The following FARP2 variants were observed in gnomAD, a reference collection of about 807,000 sequenced individuals.
FARP2 encodes FERM, ARHGEF and pleckstrin domain-containing protein 2.
A neutral mutation model predicts 130.5 loss-of-function variants in FARP2; 111 were observed. That is an observed-to-expected ratio of 0.85 (90% CI 0.73 to 1.00). FARP2 has a LOEUF of 1.00. FARP2 is among the 50% of genes least tolerant of loss of function. FARP2 has a pLI of 0.00. For missense variants in FARP2, 1,385 were observed against 1,346.3 expected, an observed-to-expected ratio of 1.03 and a Z score of -0.45; for synonymous variants, 504 against 516.9, an observed-to-expected ratio of 0.98 and a Z score of 0.34.
intron 17 of FARP2, among the ~76,000 whole-genome samples, chr2:241,464,926 C>T (rs1035216828): frequency 1.3e-5 from 2 of 152,108 alleles, no homozygotes; most frequent in African/African-American, 2.4e-5. Context: ...GTTCCCTCCT[C>T]ACCGCATCCC....
Position 241,466,947 on chromosome 2 carries a change from TA to T in FARP2, c.1894-1179del, listed in dbSNP as rs111497599. Among the ~76,000 whole-genome samples the T allele has an allele frequency of 3.1e-3, 443 of 144,738 alleles. 1 individual carries two copies. Among genetic ancestry groups the T allele is most frequent in the Non-Finnish European group, 3.1e-3 (202 of 65,802 alleles). 95.0% of individuals were successfully genotyped at this position (144,738 alleles called of 152,430 possible). On this transcript the variant is annotated intron_variant, in intron 17 of 26. Transcript: ENST00000264042. ...AGTGGACCAAATAAAAGTGTTTTGT[TA>T]AAAAAAAAAAAAATGTAACCCTTTA...
At chr2:241,396,247 G>A (rs893297450) in intron 2 of FARP2, among the ~76,000 whole-genome samples, 4 of 152,064 alleles carry the variant, frequency 2.6e-5, no homozygotes, top group Admixed American at 2.6e-4. Context: ...GAAAACCTAG[G>A]CATTACCATT....
At chr2:241,434,389 C>T in intron 10 of FARP2, 68 bp downstream of exon 10, 2 of 1,174,870 alleles carry the variant, frequency 1.7e-6, no homozygotes, top group South Asian at 3.7e-5. Context: ...TAGGTAATTC[C>T]TAGTCAAGAA....
chr2:241,421,114 G>A (rs192509931), intron 8 of FARP2, among the ~76,000 whole-genome samples: 13 of 152,280 alleles, frequency 8.5e-5, no homozygotes, highest in Non-Finnish European at 1.6e-4. Context: ...GAAATGGTGA[G>A]TGACTGTGCA....
At chr2:241,441,710 C>T in intron 13 of FARP2, 154 bp downstream of exon 13, 2 of 1,157,596 alleles carry the variant, frequency 1.7e-6, no homozygotes, top group Non-Finnish European at 2.5e-6. Flanking sequence ...ACCACAGGCT[C>T]ATTTCCTTCC....
At chr2:241,488,194 G>T (rs1313594628) in intron 21 of FARP2, 1 of 152,144 alleles carries the variant, frequency 6.6e-6, no homozygotes, top group Non-Finnish European at 1.5e-5. Flanking sequence ...ATGGGCACTT[G>T]AAGTTCCGTT....
chr2:241,476,343 C>T (rs1011647543), intron 19 of FARP2, among the ~76,000 whole-genome samples: 13 of 151,860 alleles, frequency 8.6e-5, no homozygotes, highest in African/African-American at 3.1e-4. Context: ...GCCCTGATCA[C>T]AGCACTGCAC....
At chr2:241,416,180 G>T (rs1311525071) in intron 7 of FARP2, among the ~76,000 whole-genome samples, 1 of 152,162 alleles carries the variant, frequency 6.6e-6, no homozygotes, top group African/African-American at 2.4e-5. Flanking sequence ...TGTATACTGT[G>T]GTTATGTGTA....
intron 8 of FARP2, among the ~76,000 whole-genome samples, chr2:241,418,765 CT>C (rs2150374417): frequency 6.6e-6 from 1 of 152,288 alleles, no homozygotes; most frequent in East Asian, 1.9e-4. Context: ...AGTGTGACTG[CT>C]AGTGCCGACT....
At chr2:241,358,806 A>C (rs1160345178) in intron 1 of FARP2, among the ~76,000 whole-genome samples, 1 of 152,182 alleles carries the variant, frequency 6.6e-6, no homozygotes, top group Non-Finnish European at 1.5e-5. Context: ...GGGAGTTGAA[A>C]AGTTGAGGAT....
intron 13 of FARP2, chr2:241,446,623 CT>C: frequency 6.6e-6 from 1 of 152,186 alleles, no homozygotes; most frequent in South Asian, 2.1e-4. Flanking sequence ...TCAAGGTATG[CT>C]TGTTCCCTCC....
intron 2 of FARP2, among the ~76,000 whole-genome samples, chr2:241,399,837 A>G (rs1574738289): frequency 6.6e-6 from 1 of 152,106 alleles, no homozygotes; most frequent in Admixed American, 6.6e-5. Flanking sequence ...AATTTTGTGC[A>G]TGGTGTGAGG....
At chr2:241,378,007 C>T (rs964079845) in intron 2 of FARP2, among the ~76,000 whole-genome samples, 2 of 152,172 alleles carry the variant, frequency 1.3e-5, no homozygotes, top group Admixed American at 1.3e-4. Flanking sequence ...CACATATTTG[C>T]CAACACTTAT....
intron 20 of FARP2, 91 bp downstream of exon 20, chr2:241,483,624 G>A (rs1285778947): frequency 7.1e-7 from 1 of 1,407,146 alleles, no homozygotes; most frequent in East Asian, 2.3e-5. Flanking sequence ...GCAGCCCATT[G>A]GCCTCTGGGT....
chr2:241,366,105 AT>A lies in FARP2; in HGVS notation c.-24-6978del, dbSNP rs1361342757. The stretch of plus-strand genomic sequence containing the variant: ...CCTCATCACTACTAAAAAAAAAAAA[AT>A]ATATATATATATATACGTATATATA... On this transcript the variant is annotated intron_variant, in intron 1 of 26. Coordinates refer to ENST00000264042, the MANE Select transcript of FARP2 (RefSeq NM_014808.4). Among the ~76,000 whole-genome samples, 6 of 42,332 alleles carry A rather than the reference AT, an allele frequency of 1.4e-4. No homozygotes were observed. The East Asian group carries it at 3.3e-3, about 23-fold the overall frequency. The allele number at this position is 42,332 out of a possible 152,430, so 27.8% of individuals were successfully genotyped here.
chr2:241,442,588 G>A (rs747529102), intron 13 of FARP2: 26 of 381,854 alleles, frequency 6.8e-5, no homozygotes, highest in Non-Finnish European at 1.2e-4. Context: ...GTGGTTTAGA[G>A]CTCAGAATTG....
intron 19 of FARP2, among the ~76,000 whole-genome samples, chr2:241,476,957 G>T (rs748008407): frequency 2.6e-5 from 4 of 152,008 alleles, no homozygotes; most frequent in African/African-American, 9.7e-5. Flanking sequence ...ATGCTGTTCT[G>T]TGGGGACCTC....
At chr2:241,479,781 TGTCA>T (rs2064569279) in intron 19 of FARP2, among the ~76,000 whole-genome samples, 2 of 152,238 alleles carry the variant, frequency 1.3e-5, no homozygotes, top group Non-Finnish European at 2.9e-5. Flanking sequence ...AGCTGGTGCC[TGTCA>T]GTGCCATGTC....
At chr2:241,359,526 G>A (rs954654250) in intron 1 of FARP2, among the ~76,000 whole-genome samples, 3 of 152,106 alleles carry the variant, frequency 2.0e-5, no homozygotes, top group African/African-American at 7.2e-5. Context: ...TCCTTTCCCA[G>A]CTGCTCCTGC....
Sources: gnomAD v4.1 joint callset for allele counts (sites outside exome capture counted in the v4.1 genomes callset) on GRCh38, gnomAD v4.1.1 for gene constraint, MANE v1.5 for transcripts, NCBI Gene and HGNC (gene_info 2026-07-23, HGNC 2026-07-21) for gene names.